The following MBD2 variants were observed in gnomAD, a reference collection of about 807,000 sequenced individuals.
MBD2 encodes methyl-CpG binding domain protein 2.
A neutral mutation model predicts 39.3 loss-of-function variants in MBD2; 9 were observed. The observed-to-expected ratio is 0.23, with a 90% CI of 0.14 to 0.40. The LOEUF (loss-of-function observed/expected upper bound fraction) is 0.40. MBD2 is among the 10% of genes least tolerant of loss of function. The pLI, the probability that MBD2 is intolerant of heterozygous loss-of-function variation, is 1.00. For missense variants in MBD2, 458 were observed against 532.6 expected (o/e 0.86, Z 1.38); for synonymous variants, 233 against 211.1 (o/e 1.10, Z -0.90).
chr18:54,194,704 A>G (rs1398433692), intron 2 of MBD2, among the ~76,000 whole-genome samples: 3 of 152,088 alleles, frequency 2.0e-5, no homozygotes, highest in Non-Finnish European at 4.4e-5. Context: ...GCACTGAGAA[A>G]TGTTGTTCAC....
At chr18:54,208,424 A>C (rs1002614962) in intron 1 of MBD2, among the ~76,000 whole-genome samples, 1 of 152,006 alleles carries the variant, frequency 6.6e-6, no homozygotes, top group African/African-American at 2.4e-5. Context: ...CCCAGGAGAC[A>C]GACGTTGCGG....
chr18:54,159,007 C>T (rs1169147179), intron 6 of MBD2, among the ~76,000 whole-genome samples: 1 of 152,142 alleles, frequency 6.6e-6, no homozygotes, highest in Non-Finnish European at 1.5e-5. Flanking sequence ...CAAATCTGTG[C>T]TAGGGAGAAT....
chr18:54,177,853 A>ACAGAGTAT (rs2086223735), intron 3 of MBD2, among the ~76,000 whole-genome samples: 1 of 90,768 alleles, frequency 1.1e-5, no homozygotes, highest in African/African-American at 4.0e-5. Flanking sequence ...TTTTTTTGAG[A>ACAGAGTAT]CAGAGTATCA....
At chr18:54,181,046 A>G (rs1208935927) in intron 3 of MBD2, among the ~76,000 whole-genome samples, 1 of 151,414 alleles carries the variant, frequency 6.6e-6, no homozygotes, top group Non-Finnish European at 1.5e-5. Context: ...GGCACGCGCC[A>G]CCATGCTCGG....
At chr18:54,168,491 T>C (rs1325088262) in intron 3 of MBD2, among the ~76,000 whole-genome samples, 1 of 150,776 alleles carries the variant, frequency 6.6e-6, no homozygotes, top group Admixed American at 6.6e-5. Context: ...ATTTTGCGTA[T>C]GCTCTTTCAA....
At position 54,224,365 on chromosome 18, in the gene MBD2, C is replaced by T. The variant is rs2144363567; in HGVS notation, c.195G>A (p.Lys65=). ...RGGGRGRGRW[K]QAGRGGGVCG... ...AGACGCCGCCGCCCCGGCCCGCCTG[C>T]TTCCACCGCCCCCGGCCACGGCCGC... The change falls in exon 1 of 7, where the codon AAG becomes AAA. Residue 65 remains lysine, a synonymous_variant. Coordinates refer to ENST00000256429, the MANE Select transcript of MBD2 (RefSeq NM_003927.5). 2 of 1,192,578 alleles carry T rather than the reference C, an allele frequency of 1.7e-6. No homozygotes were observed. Among genetic ancestry groups the T allele is most frequent in the Non-Finnish European group, 2.1e-6 (2 of 961,792 alleles). The allele number at this position is 1,192,578 out of a possible 1,614,324, so 73.9% of individuals were successfully genotyped here.
chr18:54,198,381 T>C (rs1190421369), intron 2 of MBD2, among the ~76,000 whole-genome samples: 1 of 152,230 alleles, frequency 6.6e-6, no homozygotes, highest in Non-Finnish European at 1.5e-5. Context: ...TTTTCAGTTA[T>C]AGATTCCATT....
chr18:54,157,651 T>C (rs2086062900), intron 6 of MBD2, among the ~76,000 whole-genome samples: 1 of 152,226 alleles, frequency 6.6e-6, no homozygotes, highest in South Asian at 2.1e-4. Context: ...TATGTATTAT[T>C]GGATTTTGGT....
chr18:54,189,467 C>A (rs2086305694), intron 2 of MBD2, among the ~76,000 whole-genome samples: 2 of 152,138 alleles, frequency 1.3e-5, no homozygotes, highest in South Asian at 4.1e-4. Context: ...CATGATCCAC[C>A]CGCCTCGGCC....
rs1599084593 is a variant in MBD2 at position 54,178,001 on chromosome 18, G to T, written c.840+10873C>A. On this transcript the variant is annotated intron_variant, in intron 3 of 6. Coordinates refer to ENST00000256429, the MANE Select transcript of MBD2 (RefSeq NM_003927.5). ...ACTACAGGCCCACACCACTGCGCCA[G>T]CTAGTTTCTTAAAAAATTTCCTGTA... Among the ~76,000 whole-genome samples the T allele has an allele frequency of 4.6e-5, 7 of 151,818 alleles. 1 individual carries two copies. In the South Asian group the frequency reaches 1.5e-3, roughly 32 times the overall value.
intron 2 of MBD2, among the ~76,000 whole-genome samples, chr18:54,199,587 C>T (rs1599098031): frequency 6.6e-6 from 1 of 152,146 alleles, no homozygotes; most frequent in African/African-American, 2.4e-5. Flanking sequence ...TATTTTAACT[C>T]GATCTTCCTC....
intron 2 of MBD2, among the ~76,000 whole-genome samples, chr18:54,199,045 G>C (rs914011315): frequency 6.6e-6 from 1 of 152,178 alleles, no homozygotes; most frequent in African/African-American, 2.4e-5. Flanking sequence ...TTCCTCTAAA[G>C]AGGATTGGGA....
intron 2 of MBD2, among the ~76,000 whole-genome samples, chr18:54,204,429 T>C (rs577150446): frequency 7.2e-5 from 11 of 152,358 alleles, no homozygotes; most frequent in African/African-American, 2.4e-4. Flanking sequence ...AGATTTGGAA[T>C]GTTCAAACTG....
At chr18:54,157,797 T>C (rs149505931) in intron 6 of MBD2, among the ~76,000 whole-genome samples, 104 of 152,276 alleles carry the variant, frequency 6.8e-4, no homozygotes, top group Non-Finnish European at 1.1e-3. Flanking sequence ...GCTCAAGTGA[T>C]GGCTCAAGTG....
chr18:54,208,632 T>C (rs1055509591), intron 1 of MBD2, among the ~76,000 whole-genome samples: 2 of 152,212 alleles, frequency 1.3e-5, no homozygotes, highest in Admixed American at 1.3e-4. Flanking sequence ...GCAGTAACTC[T>C]TACCAAAAAG....
chr18:54,180,247 T>A (rs1026272762), intron 3 of MBD2, among the ~76,000 whole-genome samples: 7 of 152,144 alleles, frequency 4.6e-5, no homozygotes, highest in Admixed American at 4.6e-4. Flanking sequence ...ATAAAAATAT[T>A]AATTCTCCCC....
chr18:54,210,646 C>G (rs959060964), intron 1 of MBD2, among the ~76,000 whole-genome samples: 5 of 152,108 alleles, frequency 3.3e-5, no homozygotes, highest in African/African-American at 4.8e-5. Context: ...ATGGGGGTAG[C>G]AGTCACCAGA....
In MBD2 at chr18:54,197,221, T is replaced by A. The variant is rs190026210; in HGVS notation, c.702+7777A>T. ...AACAGCTTCCTAACTGGCCTCCGAC[T>A]TCCACTTCTGTGTCTCTACATTTTC... On this transcript the variant is annotated intron_variant, in intron 2 of 6. Transcript: ENST00000256429. 5.3e-5 allele frequency among the ~76,000 whole-genome samples: 8 copies of A among 152,362 alleles called. No individual in the cohort carries two copies. In the East Asian group the frequency reaches 1.3e-3, roughly 26 times the overall value.
intron 1 of MBD2, among the ~76,000 whole-genome samples, chr18:54,221,590 T>C (rs1032456558): frequency 1.3e-5 from 2 of 151,354 alleles, no homozygotes; most frequent in Non-Finnish European, 2.9e-5. Context: ...GCCTGGCCAA[T>C]ATGGTGAAAC....
Sources: gnomAD v4.1 joint callset for allele counts (sites outside exome capture counted in the v4.1 genomes callset) on GRCh38, gnomAD v4.1.1 for gene constraint, MANE v1.5 for transcripts, NCBI Gene and HGNC (gene_info 2026-07-23, HGNC 2026-07-21) for gene names.